The following ST6GALNAC3 variants were observed in gnomAD, a reference collection of about 807,000 sequenced individuals.
ST6GALNAC3 encodes the protein ST6 N-acetylgalactosaminide alpha-2,6-sialyltransferase 3, also known as alpha-N-acetylgalactosaminide alpha-2,6-sialyltransferase 3.
Under a neutral mutation model 32.7 loss-of-function variants are expected in ST6GALNAC3, and 25 were observed. The ratio of observed to expected loss-of-function variants is 0.76; its 90% CI spans 0.56 to 1.07. ST6GALNAC3 has a LOEUF of 1.07. ST6GALNAC3 is among the 50% of genes least tolerant of loss of function. ST6GALNAC3 has a pLI of 0.00. For synonymous variants in ST6GALNAC3, 129 were observed against 133.1 expected (o/e 0.97, Z 0.21); for missense variants, 355 against 382.4 (o/e 0.93, Z 0.60).
At chr1:76,143,392 C>CAT (rs10660490) in intron 1 of ST6GALNAC3, among the ~76,000 whole-genome samples, 1 of 142,350 alleles carries the variant, frequency 7.0e-6, no homozygotes, top group Non-Finnish European at 1.5e-5. Context: ...CTTACCAAGT[C>CAT]GTGTGTGTGT....
intron 2 of ST6GALNAC3, among the ~76,000 whole-genome samples, chr1:76,369,797 C>A (rs1484361453): frequency 6.6e-6 from 1 of 152,136 alleles, no homozygotes; most frequent in East Asian, 1.9e-4. Flanking sequence ...TCAGAGACCA[C>A]TTTAGATATT....
At chr1:76,210,251 G>A (rs563780816) in intron 1 of ST6GALNAC3, among the ~76,000 whole-genome samples, 1 of 152,222 alleles carries the variant, frequency 6.6e-6, no homozygotes, top group Non-Finnish European at 1.5e-5. Flanking sequence ...ACAACATAGT[G>A]TCTTGAAAGC....
chr1:76,235,969 T>TTTTG (rs965990775), intron 1 of ST6GALNAC3, among the ~76,000 whole-genome samples: 11 of 151,462 alleles, frequency 7.3e-5, no homozygotes, highest in East Asian at 3.9e-4. Context: ...TCATTTTGTT[T>TTTTG]TTTGTTTGTT....
Position 76,594,128 on chromosome 1 carries a change from T to C in ST6GALNAC3, c.624-33324T>C, listed in dbSNP as rs187547977. ...CAGTGACTGCTGAAATCCAGTCATA[T>C]GACTATGTGATTTTAGTCATGGCTC... is the stretch of plus-strand genomic sequence containing the variant. On this transcript the variant is annotated intron_variant, in intron 3 of 4. Coordinates refer to ENST00000328299, the MANE Select transcript of ST6GALNAC3 (RefSeq NM_152996.4). Among the ~76,000 whole-genome samples the C allele has an allele frequency of 5.9e-5, 9 of 152,310 alleles. No homozygotes were observed. In the East Asian group the frequency reaches 9.6e-4, roughly 16 times the overall value.
intron 3 of ST6GALNAC3, among the ~76,000 whole-genome samples, chr1:76,483,531 A>G (rs1300130798): frequency 1.3e-5 from 2 of 152,106 alleles, no homozygotes; most frequent in Admixed American, 1.3e-4. Context: ...TTCTTTTGAG[A>G]AGTGTCTGTT....
intron 1 of ST6GALNAC3, among the ~76,000 whole-genome samples, chr1:76,132,620 G>A (rs548956804): frequency 3.3e-5 from 5 of 152,260 alleles, no homozygotes; most frequent in South Asian, 2.1e-4. Context: ...TTGGGCCCTT[G>A]GAGGACCACT....
At chr1:76,530,689 G>A (rs532414502) in intron 3 of ST6GALNAC3, among the ~76,000 whole-genome samples, 1 of 152,274 alleles carries the variant, frequency 6.6e-6, no homozygotes, top group East Asian at 1.9e-4. Flanking sequence ...CTGGGTTTCT[G>A]TCTCTTGAAA....
intron 3 of ST6GALNAC3, among the ~76,000 whole-genome samples, chr1:76,470,402 C>G (rs2101624386): frequency 6.6e-6 from 1 of 152,162 alleles, no homozygotes; most frequent in Admixed American, 6.6e-5. Context: ...TAGCTGAAGA[C>G]TGGGATCTAC....
At chr1:76,389,675 A>T (rs1652384909) in intron 2 of ST6GALNAC3, among the ~76,000 whole-genome samples, 1 of 152,234 alleles carries the variant, frequency 6.6e-6, no homozygotes, top group Non-Finnish European at 1.5e-5. Flanking sequence ...GACCTTTAAG[A>T]TCATTTTTAA....
At chr1:76,622,439 A>G (rs189562595) in intron 3 of ST6GALNAC3, among the ~76,000 whole-genome samples, 1 of 152,104 alleles carries the variant, frequency 6.6e-6, no homozygotes, top group Admixed American at 6.6e-5. Context: ...ACTGTGAATG[A>G]GCAGAGTAGG....
chr1:76,209,625 G>A (rs900015115), intron 1 of ST6GALNAC3, among the ~76,000 whole-genome samples: 3 of 152,188 alleles, frequency 2.0e-5, no homozygotes, highest in African/African-American at 7.2e-5. Context: ...CTTACTCGAC[G>A]GGAATCTTGA....
intron 2 of ST6GALNAC3, among the ~76,000 whole-genome samples, chr1:76,352,785 A>G (rs1476707718): frequency 6.6e-6 from 1 of 152,054 alleles, no homozygotes; most frequent in Non-Finnish European, 1.5e-5. Context: ...TCTGTTCTAC[A>G]TTCCTCCTCG....
At position 76,211,867 on chromosome 1, in the gene ST6GALNAC3, A is replaced by G. The variant is rs59629667; in HGVS notation, c.19-101938A>G. ...GAGTTAATGGGTGCAGCACACCAAC[A>G]TGGCACATGTATACATATGTAACAA... On this transcript the variant is annotated intron_variant, in intron 1 of 4. Coordinates refer to ENST00000328299, the MANE Select transcript of ST6GALNAC3 (RefSeq NM_152996.4). Among the ~76,000 whole-genome samples, 76 of 152,244 alleles carry G rather than the reference A, an allele frequency of 5.0e-4. 1 individual carries two copies. Among genetic ancestry groups the G allele is most frequent in the African/African-American group, 1.8e-3 (76 of 41,548 alleles).
intron 1 of ST6GALNAC3, among the ~76,000 whole-genome samples, chr1:76,284,414 A>T (rs962151701): frequency 6.6e-6 from 1 of 152,216 alleles, no homozygotes; most frequent in African/African-American, 2.4e-5. Context: ...CTGGAGAGAT[A>T]GGCAAGTATG....
intron 3 of ST6GALNAC3, among the ~76,000 whole-genome samples, chr1:76,545,897 G>A (rs569704111): frequency 2.6e-4 from 40 of 152,292 alleles, no homozygotes; most frequent in Admixed American, 3.9e-4. Context: ...GACCTCAGGT[G>A]ATCCACCCGC....
chr1:76,505,517 A>G (rs1178854719), intron 3 of ST6GALNAC3, among the ~76,000 whole-genome samples: 2 of 152,210 alleles, frequency 1.3e-5, no homozygotes, highest in African/African-American at 4.8e-5. Flanking sequence ...TTGACACCAC[A>G]GGGAATGATT....
At chr1:76,294,669 A>G (rs1660290840) in intron 1 of ST6GALNAC3, among the ~76,000 whole-genome samples, 1 of 151,788 alleles carries the variant, frequency 6.6e-6, no homozygotes, top group Admixed American at 6.6e-5. Context: ...AAAGACACTC[A>G]TAAATGTCAG....
chr1:76,150,208 G>A (rs1368823988), intron 1 of ST6GALNAC3, among the ~76,000 whole-genome samples: 1 of 151,854 alleles, frequency 6.6e-6, no homozygotes, highest in Non-Finnish European at 1.5e-5. Context: ...TCTGTTTCTG[G>A]TAAGGGTATC....
chr1:76,186,779 T>A (rs1653583609), intron 1 of ST6GALNAC3, among the ~76,000 whole-genome samples: 1 of 152,174 alleles, frequency 6.6e-6, no homozygotes, highest in African/African-American at 2.4e-5. Context: ...TGTTCCTCTG[T>A]AGATTTATGA....
Sources: gnomAD v4.1 joint callset for allele counts (sites outside exome capture counted in the v4.1 genomes callset) on GRCh38, gnomAD v4.1.1 for gene constraint, MANE v1.5 for transcripts, NCBI Gene and HGNC (gene_info 2026-07-23, HGNC 2026-07-21) for gene names.